Variants in NME9 observed in about 807,000 individuals in gnomAD.
The protein encoded by NME9 is thioredoxin domain-containing protein 6.
In NME9, 48 loss-of-function variants were observed where a neutral mutation model predicts 44.4. The ratio of observed to expected loss-of-function variants is 1.08; its 90% confidence interval spans 0.86 to 1.37. The LOEUF (loss-of-function observed/expected upper bound fraction) is 1.37. NME9 is among the 40% of genes most tolerant of loss of function. The pLI is 0.00. For missense variants in NME9, 325 were observed against 405.2 expected, an observed-to-expected ratio of 0.80 and a Z score of 1.70; for synonymous variants, 139 against 147.1, an observed-to-expected ratio of 0.94 and a Z score of 0.40.
intron 6 of NME9, among the ~76,000 whole-genome samples, chr3:138,313,540 A>G (rs1246982123): frequency 6.6e-6 from 1 of 152,178 alleles, no homozygotes; most frequent in Non-Finnish European, 1.5e-5. Context: ...AACTAGAGCT[A>G]CCATATGATC....
chr3:138,280,164 A>C (rs2049743083), intron 8 of NME9, among the ~76,000 whole-genome samples: 1 of 152,120 alleles, frequency 6.6e-6, no homozygotes, highest in Admixed American at 6.5e-5. Context: ...TCGGCCTCCC[A>C]AAGTGCTGGG....
intron 2 of NME9, chr3:138,324,475 G>A (rs2053652676): frequency 2.2e-6 from 1 of 461,046 alleles, no homozygotes; most frequent in South Asian, 1.5e-5. Flanking sequence ...ATAGACAGTG[G>A]CCTGCTGTTT....
chr3:138,286,008 G>A (rs1025034244), intron 8 of NME9, among the ~76,000 whole-genome samples: 1 of 152,038 alleles, frequency 6.6e-6, no homozygotes, highest in African/African-American at 2.4e-5. Context: ...GCAGTGACGC[G>A]ATCTTGGCTC....
intron 8 of NME9, among the ~76,000 whole-genome samples, chr3:138,270,911 T>A (rs944500634): frequency 6.6e-6 from 1 of 152,232 alleles, no homozygotes; most frequent in Non-Finnish European, 1.5e-5. Context: ...TTAATTGCTC[T>A]GTACCAGACA....
chr3:138,269,959 C>CA (rs1197755475), intron 8 of NME9: 1 of 840,822 alleles, frequency 1.2e-6, no homozygotes, highest in Non-Finnish European at 1.9e-6. Flanking sequence ...GAAGAAATCA[C>CA]AAAGTGCCAA....
intron 8 of NME9, among the ~76,000 whole-genome samples, chr3:138,292,384 C>T (rs1278221346): frequency 6.6e-6 from 1 of 152,150 alleles, no homozygotes; most frequent in Non-Finnish European, 1.5e-5. Context: ...TTACAGAGAA[C>T]CATCTGTAGG....
chr3:138,303,372 A>G (rs775229925), intron 10 of NME9, 135 bp downstream of exon 10: 5 of 600,134 alleles, frequency 8.3e-6, no homozygotes, highest in Non-Finnish European at 1.2e-5. Context: ...AATGACCTGT[A>G]TTTTCAGAAC....
At chr3:138,275,979 C>T (rs933396051) in intron 8 of NME9, among the ~76,000 whole-genome samples, 1 of 152,040 alleles carries the variant, frequency 6.6e-6, no homozygotes, top group Non-Finnish European at 1.5e-5. Flanking sequence ...TCAAAATAAA[C>T]CATTGTACTT....
At chr3:138,328,052 C>T (rs1368585232) in intron 1 of NME9, among the ~76,000 whole-genome samples, 1 of 151,980 alleles carries the variant, frequency 6.6e-6, no homozygotes, top group African/African-American at 2.4e-5. Flanking sequence ...GATACGGAGG[C>T]CAGAGAGTTG....
rs890069466 is a variant in NME9, at chr3:138,278,623, G to A, written c.746-16037C>T. Among the ~76,000 whole-genome samples, 11 of 152,012 alleles carry A rather than the reference G, an allele frequency of 7.2e-5. No individual in the cohort carries two copies. The South Asian group carries it at 1.2e-3, about 17-fold the overall frequency. On this transcript the variant is annotated intron_variant, in intron 8 of 8. Coordinates refer to the NME9 transcript ENST00000317876. ...TGAAATGCCACTTGGGATTTCGATC[G>A]TATTGTATTTATAAATAAATTTGGG...
At position 138,265,084 on chromosome 3, in the gene NME9, A is replaced by G. The variant is rs188208647; in HGVS notation, c.746-2498T>C. 4.1e-3 allele frequency among the ~76,000 whole-genome samples: 615 copies of G among 151,840 alleles called. 2 individuals are homozygous for G. Among genetic ancestry groups the G allele is most frequent in the African/African-American group, 0.014 (565 of 41,376 alleles). On this transcript the variant is annotated intron_variant, in intron 8 of 8. Coordinates refer to the NME9 transcript ENST00000317876. ...GGCTAATTTTTTTTATTTTTTTGAGACAAGGTCTCGCCAAGTTGCCCAGGC... is the reference window on the plus strand; with the variant it reads ...GGCTAATTTTTTTTATTTTTTTGAGGCAAGGTCTCGCCAAGTTGCCCAGGC...
intron 8 of NME9, among the ~76,000 whole-genome samples, chr3:138,276,328 A>G (rs1269584380): frequency 6.6e-6 from 1 of 152,244 alleles, no homozygotes; most frequent in Non-Finnish European, 1.5e-5. Context: ...TTCAGTTTTG[A>G]CACGTGCATC....
chr3:138,304,222 G>C (rs1560092330), intron 9 of NME9, among the ~76,000 whole-genome samples: 2 of 152,176 alleles, frequency 1.3e-5, no homozygotes, highest in Non-Finnish European at 2.9e-5. Context: ...CACTAGCCCA[G>C]CCTGCCTCAT....
At chr3:138,313,383 C>T (rs1158199339) in intron 6 of NME9, among the ~76,000 whole-genome samples, 1 of 152,018 alleles carries the variant, frequency 6.6e-6, no homozygotes, top group Non-Finnish European at 1.5e-5. Context: ...CAGAGGGAGA[C>T]TCTGTCTCAA....
At chr3:138,315,954 C>T (rs373683781) in intron 4 of NME9, among the ~76,000 whole-genome samples, 1 of 152,148 alleles carries the variant, frequency 6.6e-6, no homozygotes, top group African/African-American at 2.4e-5. Context: ...GCCTCAGTCT[C>T]CTGAATAGCT....
intron 8 of NME9, among the ~76,000 whole-genome samples, chr3:138,265,771 A>T (rs2048220670): frequency 6.6e-6 from 1 of 152,204 alleles, no homozygotes; most frequent in Non-Finnish European, 1.5e-5. Flanking sequence ...GTAAGGACGA[A>T]GTGGAAGAGT....
chr3:138,271,419 T>C (rs2048773785), intron 8 of NME9, among the ~76,000 whole-genome samples: 1 of 152,222 alleles, frequency 6.6e-6, no homozygotes, highest in Non-Finnish European at 1.5e-5. Flanking sequence ...GAAATCTACA[T>C]ATCCAGATGT....
rs748339004 is a variant in NME9 at position 138,324,862 on chromosome 3, C to A, written c.91+11G>T. ...AGAATGGATCTAAAAAGTTATTTTA[C>A]TTTGAATTACCAGTTAGTCCTTTGG... On this transcript the variant is annotated intron_variant, in intron 2 of 10. Transcript: ENST00000333911. 10 of 1,603,580 alleles carry A rather than the reference C, an allele frequency of 6.2e-6. No individual in the cohort carries two copies. The highest frequency in any genetic ancestry group is 8.5e-6 in the Non-Finnish European group (10 of 1,170,992).
Position 138,305,037 on chromosome 3 carries a change from G to A in NME9, c.637-10C>T, listed in dbSNP as rs751429005. 11 of 1,612,890 alleles carry A rather than the reference G, an allele frequency of 6.8e-6. No homozygotes were observed. In the South Asian group the frequency reaches 9.9e-5, roughly 15 times the overall value. On this transcript the variant is annotated splice_polypyrimidine_tract_variant and intron_variant, in intron 8 of 10. Transcript: ENST00000333911. Reference sequence around the variant, plus strand: ...GCTTCTCAAATGCCTCCTAGGCACAGGGAGGGAAAACAGTGACCAGGGCAG... The same window carrying A: ...GCTTCTCAAATGCCTCCTAGGCACAAGGAGGGAAAACAGTGACCAGGGCAG...
Sources: gnomAD v4.1 joint callset for allele counts (sites outside exome capture counted in the v4.1 genomes callset) on GRCh38, gnomAD v4.1.1 for gene constraint, MANE v1.5 for transcripts, NCBI Gene and HGNC (gene_info 2026-07-23, HGNC 2026-07-21) for gene names.